The following SUSD6 variants were observed in gnomAD, a reference collection of about 807,000 sequenced individuals.
SUSD6 encodes the protein sushi domain containing 6, also known as sushi domain-containing protein 6.
A neutral mutation model predicts 28.4 loss-of-function variants in SUSD6; 16 were observed. That is an observed-to-expected ratio of 0.56 (90% CI 0.38 to 0.86). The LOEUF is 0.86. Ranked by LOEUF, SUSD6 falls within the 40% of genes least tolerant of loss-of-function variation. The probability of loss-of-function intolerance (pLI) is 0.00; values close to 1 mark genes in which losing one functional copy is unlikely to be tolerated. For missense variants in SUSD6, 341 were observed against 384.2 expected, an observed-to-expected ratio of 0.89 and a Z score of 0.94; for synonymous variants, 147 against 159.6, an observed-to-expected ratio of 0.92 and a Z score of 0.59.
At chr14:69,704,907 A>G (rs1886366300) in intron 4 of SUSD6, among the ~76,000 whole-genome samples, 165 bp downstream of exon 4, 2 of 152,164 alleles carry the variant, frequency 1.3e-5, no homozygotes, top group South Asian at 4.1e-4. Flanking sequence ...TGTGCCTACC[A>G]TTGTGCTTAT....
At chr14:69,706,817 T>C (rs1886393660) in intron 4 of SUSD6, among the ~76,000 whole-genome samples, 1 of 151,966 alleles carries the variant, frequency 6.6e-6, no homozygotes, top group Non-Finnish European at 1.5e-5. Flanking sequence ...CAAGAGCAGG[T>C]GAGGAAATTG....
rs1885650597 is a variant in SUSD6, at chr14:69,660,793, A to G, written c.121+2080A>G. ...GAAACTTAAATTTCAATGTCTATAA[A>G]GTTTTATTGGAACACAGCAGTGCTC... On this transcript the variant is annotated intron_variant, in intron 2 of 5. Coordinates refer to ENST00000342745, the MANE Select transcript of SUSD6 (RefSeq NM_014734.4). Among the ~76,000 whole-genome samples the G allele has an allele frequency of 3.9e-5, 6 of 152,218 alleles. No homozygotes were observed. In the South Asian group the frequency reaches 1.2e-3, roughly 31 times the overall value.
chr14:69,691,830 A>G (rs1886156751), intron 2 of SUSD6, among the ~76,000 whole-genome samples: 1 of 152,162 alleles, frequency 6.6e-6, no homozygotes, highest in East Asian at 1.9e-4. Flanking sequence ...ACCTGAGGTC[A>G]GGTGTTCAAG....
At chr14:69,633,639 C>G (rs781283384) in intron 1 of SUSD6, among the ~76,000 whole-genome samples, 10 of 152,042 alleles carry the variant, frequency 6.6e-5, no homozygotes, top group Non-Finnish European at 1.2e-4. Flanking sequence ...CTTATTCTTC[C>G]TTATATTCTA....
rs555867108 is a variant in SUSD6 at position 69,612,143 on chromosome 14, CGT to C, written c.-81+316_-81+317del. Among the ~76,000 whole-genome samples the C allele has an allele frequency of 2.5e-4, 38 of 152,054 alleles. 1 individual carries two copies. In the South Asian group the frequency reaches 7.9e-3, roughly 31 times the overall value. On this transcript the variant is annotated intron_variant, in intron 1 of 5. Coordinates refer to ENST00000342745, the MANE Select transcript of SUSD6 (RefSeq NM_014734.4). The stretch of plus-strand genomic sequence containing the variant: ...CCGCGGTCCGGGGCGCGCCGTCCCG[CGT>C]CGCTGCCCGGGCAGCACCGGAAGAG...
chr14:69,679,036 C>G (rs1885959396), intron 2 of SUSD6, among the ~76,000 whole-genome samples: 2 of 152,286 alleles, frequency 1.3e-5, no homozygotes, highest in South Asian at 4.1e-4. Flanking sequence ...TCTCCATATG[C>G]TTTACAACAA....
intron 2 of SUSD6, among the ~76,000 whole-genome samples, chr14:69,691,007 G>GGTC: frequency 6.6e-6 from 1 of 152,148 alleles, no homozygotes; most frequent in Non-Finnish European, 1.5e-5. Flanking sequence ...TCACTTCATG[G>GGTC]TATGCCTTAG....
intron 5 of SUSD6, 46 bp downstream of exon 5, chr14:69,709,150 T>C: frequency 6.8e-7 from 1 of 1,472,186 alleles, no homozygotes; most frequent in Non-Finnish European, 9.2e-7. Flanking sequence ...CTTAGGGTCC[T>C]TGCTGGGAGT....
chr14:69,631,318 A>G (rs1885191203), intron 1 of SUSD6, among the ~76,000 whole-genome samples: 1 of 152,234 alleles, frequency 6.6e-6, no homozygotes, highest in Admixed American at 6.5e-5. Flanking sequence ...CCTAGTCCAT[A>G]GTATATCTAG....
In SUSD6 at chr14:69,710,403, T is replaced by C. The variant is rs376931719; in HGVS notation, c.887-551T>C. 1.6e-4 allele frequency among the ~76,000 whole-genome samples: 24 copies of C among 152,290 alleles called. 1 individual carries two copies. In the East Asian group the frequency reaches 4.2e-3, roughly 27 times the overall value. ...GGTGGGGCCTATACTCAAGAAATAA[T>C]AGAACCAGGAATTGTAGTGTCTGTG... On this transcript the variant is annotated intron_variant, in intron 5 of 5. Coordinates refer to ENST00000342745, the MANE Select transcript of SUSD6 (RefSeq NM_014734.4).
intron 2 of SUSD6, among the ~76,000 whole-genome samples, chr14:69,673,871 G>T (rs1885869689): frequency 6.6e-6 from 1 of 152,234 alleles, no homozygotes; most frequent in Non-Finnish European, 1.5e-5. Flanking sequence ...GGTAATGTGA[G>T]TGTGGACTAG....
intron 1 of SUSD6, among the ~76,000 whole-genome samples, chr14:69,631,968 G>C (rs1566590764): frequency 6.6e-6 from 1 of 152,184 alleles, no homozygotes. Flanking sequence ...ATCCACCAAG[G>C]TGTTAATACC....
chr14:69,641,790 A>AG (rs367828111), intron 1 of SUSD6, among the ~76,000 whole-genome samples: 441 of 150,848 alleles, frequency 2.9e-3, no homozygotes, highest in African/African-American at 6.5e-3. Flanking sequence ...TGTAGAGAGG[A>AG]GGGGGGGTCT....
At chr14:69,617,863 G>C (rs1455056669) in intron 1 of SUSD6, among the ~76,000 whole-genome samples, 1 of 152,214 alleles carries the variant, frequency 6.6e-6, no homozygotes, top group East Asian at 1.9e-4. Context: ...AGGGAGGAGG[G>C]AGAGGGTCTG....
At chr14:69,687,610 G>A (rs946357505) in intron 2 of SUSD6, among the ~76,000 whole-genome samples, 2 of 152,230 alleles carry the variant, frequency 1.3e-5, no homozygotes, top group African/African-American at 4.8e-5. Flanking sequence ...GAGTTGTTAT[G>A]TATGTGCTTT....
At chr14:69,635,154 C>T (rs1215714632) in intron 1 of SUSD6, among the ~76,000 whole-genome samples, 2 of 152,108 alleles carry the variant, frequency 1.3e-5, no homozygotes, top group African/African-American at 4.8e-5. Flanking sequence ...TTCTAAGGCT[C>T]CCAGGAAGAA....
rs193070753 is a variant in SUSD6 at position 69,708,873 on chromosome 14, G to C, written c.655G>C (p.Asp219His). Residue 219 changes from aspartate to histidine, a missense_variant, in exon 5 of 6, where the codon GAC (aspartate) becomes CAC (histidine). Transcript: ENST00000342745. ...CGTGCCAAGGGAGCAACAGCTGCCG[G>C]ACCAAGGGGCCTGCTCCTCTGCAGG... is the stretch of plus-strand genomic sequence containing the variant. Reference protein sequence around the residue: ...RSVPREQQLPDQGACSSAGGE... With the variant: ...RSVPREQQLPHQGACSSAGGE... The C allele has an allele frequency of 1.1e-5, 17 of 1,614,168 alleles. No individual in the cohort carries two copies. In the East Asian group the frequency reaches 3.6e-4, roughly 34 times the overall value.
At chr14:69,656,435 A>G (rs1595044472) in intron 1 of SUSD6, among the ~76,000 whole-genome samples, 1 of 152,200 alleles carries the variant, frequency 6.6e-6, no homozygotes, top group African/African-American at 2.4e-5. Flanking sequence ...GTGTGACTGC[A>G]CCTAAAACAG....
chr14:69,619,089 G>A (rs773015888), intron 1 of SUSD6, among the ~76,000 whole-genome samples: 1 of 152,202 alleles, frequency 6.6e-6, no homozygotes, highest in Non-Finnish European at 1.5e-5. Flanking sequence ...TCCTAGTCTA[G>A]TGCTTTTCCC....
Sources: gnomAD v4.1 joint callset for allele counts (sites outside exome capture counted in the v4.1 genomes callset) on GRCh38, gnomAD v4.1.1 for gene constraint, MANE v1.5 for transcripts, NCBI Gene and HGNC (gene_info 2026-07-23, HGNC 2026-07-21) for gene names.